The following PIP5K1C variants were observed in gnomAD, a reference collection of about 807,000 sequenced individuals.
PIP5K1C encodes phosphatidylinositol-4-phosphate 5-kinase type 1 gamma.
Under a neutral mutation model 80.1 loss-of-function variants are expected in PIP5K1C, and 45 were observed. The ratio of observed to expected loss-of-function variants is 0.56; its 90% CI spans 0.44 to 0.72. The LOEUF (loss-of-function observed/expected upper bound fraction) is 0.72, where lower values mean the gene tolerates loss of function less well. Among genes scored for constraint, PIP5K1C ranks in the 30% least tolerant of loss-of-function variants. The pLI is 0.00. For synonymous variants in PIP5K1C, 498 were observed against 420.1 expected, an observed-to-expected ratio of 1.19 and a Z score of -2.27; for missense variants, 753 against 954.6, an observed-to-expected ratio of 0.79 and a Z score of 2.78.
rs936822150 is a variant in PIP5K1C at position 3,652,090 on chromosome 19, C to T, written c.922-59G>A. 6.5e-6 allele frequency: 10 copies of T among 1,542,446 alleles called. No homozygotes were observed. The Admixed American group carries it at 1.5e-4, about 24-fold the overall frequency. Reference sequence around the variant, plus strand: ...CAGCCGTCTCTATCCCCCACAACGGCTCCCGGACCCTATGGGGTTCCCAGC... The same window carrying T: ...CAGCCGTCTCTATCCCCCACAACGGTTCCCGGACCCTATGGGGTTCCCAGC... On this transcript the variant is annotated intron_variant, in intron 7 of 17. Transcript: ENST00000335312.
intron 3 of PIP5K1C, among the ~76,000 whole-genome samples, chr19:3,663,969 G>A (rs1568336901): frequency 2.6e-5 from 4 of 152,146 alleles, no homozygotes; most frequent in Non-Finnish European, 4.4e-5. Flanking sequence ...TGAAGCACCC[G>A]AGCGTCCATG....
Position 3,686,812 on chromosome 19 carries a change from T to G in PIP5K1C, c.94+13485A>C, listed in dbSNP as rs138257131. Among the ~76,000 whole-genome samples, 548 of 152,174 alleles carry G rather than the reference T, an allele frequency of 3.6e-3. 6 individuals carry two copies. The highest frequency in any genetic ancestry group is 0.013 in the African/African-American group (521 of 41,508). ...TAATAGCTAAAACTATAAAACTACT[T>G]AAGAAAATGGGGTAATAAATCTTTG... On this transcript the variant is annotated intron_variant, in intron 1 of 17. Transcript: ENST00000335312.
In PIP5K1C at chr19:3,641,635, C is replaced by T. The variant is rs779894290; in HGVS notation, c.1787+70G>A. 6.3e-5 allele frequency: 69 copies of T among 1,102,148 alleles called. No individual in the cohort carries two copies. In the African/African-American group the frequency reaches 9.2e-4, roughly 15 times the overall value. 68.3% of individuals were successfully genotyped at this position (1,102,148 alleles called of 1,614,324 possible). A position where few individuals can be genotyped will look rare whatever the true frequency, so the allele number is the denominator to read the frequency against. On this transcript the variant is annotated intron_variant, in intron 15 of 17. Coordinates refer to ENST00000335312, the MANE Select transcript of PIP5K1C (RefSeq NM_012398.3). ...AAAGAACTGCTTCATGATGAAACCT[C>T]GGGGTGCTCTTGGCTCCTCTGGGCC... is the stretch of plus-strand genomic sequence containing the variant.
intron 9 of PIP5K1C, 62 bp from the exon 10 acceptor site, chr19:3,647,448 CT>C: frequency 1.4e-6 from 2 of 1,381,518 alleles, no homozygotes; most frequent in Non-Finnish European, 2.0e-6. Context: ...GGCCACCTCA[CT>C]CAGGGGCCAC....
chr19:3,636,619 G>A (rs542834423), intron 16 of PIP5K1C: 21 of 985,562 alleles, frequency 2.1e-5, no homozygotes, highest in African/African-American at 5.2e-5. Context: ...ACGGCTTCGC[G>A]GTGGCTGGCT....
chr19:3,659,445 C>G lies in PIP5K1C; in HGVS notation c.468+1521G>C, dbSNP rs181259213. ...AGGTGAGACCCAGATGGCCCCAGAT[C>G]GGCTTTTATCCGTCCACTCCTGCTA... On this transcript the variant is annotated intron_variant, in intron 5 of 17. Transcript: ENST00000335312. Among the ~76,000 whole-genome samples, 4 of 152,366 alleles carry G rather than the reference C, an allele frequency of 2.6e-5. No homozygotes were observed. The East Asian group carries it at 7.7e-4, about 29-fold the overall frequency.
chr19:3,676,378 C>T (rs1490444396), intron 1 of PIP5K1C, among the ~76,000 whole-genome samples: 1 of 152,238 alleles, frequency 6.6e-6, no homozygotes, highest in Admixed American at 6.5e-5. Context: ...TGGTGAGTGG[C>T]CCGCCCGGGC....
intron 1 of PIP5K1C, among the ~76,000 whole-genome samples, chr19:3,683,026 C>T (rs948768093): frequency 1.3e-4 from 20 of 151,338 alleles, no homozygotes; most frequent in African/African-American, 4.4e-4. Flanking sequence ...CTAGGGCCTC[C>T]GCACAGGCTG....
At position 3,688,690 on chromosome 19, in the gene PIP5K1C, C is replaced by T. The variant is rs374012209; in HGVS notation, c.94+11607G>A. Among the ~76,000 whole-genome samples, 2 of 152,094 alleles carry T rather than the reference C, an allele frequency of 1.3e-5. No individual in the cohort carries two copies. The highest frequency in any genetic ancestry group is 4.8e-5 in the African/African-American group (2 of 41,456). Reference sequence around the variant, plus strand: ...ACCCGGATGAGCCCCATGGAGAAACCCGTAGTGAGAGAAGCTTTGCTCAAA... The same window carrying T: ...ACCCGGATGAGCCCCATGGAGAAACTCGTAGTGAGAGAAGCTTTGCTCAAA... On this transcript the variant is annotated intron_variant, in intron 1 of 17. Coordinates refer to ENST00000335312, the MANE Select transcript of PIP5K1C (RefSeq NM_012398.3). This position sits in a 1 kb window ranked among gnomAD's most constrained non-coding sequence, Gnocchi z 5.3.
At chr19:3,683,945 C>A (rs975975261) in intron 1 of PIP5K1C, among the ~76,000 whole-genome samples, 1 of 140,620 alleles carries the variant, frequency 7.1e-6, no homozygotes, top group African/African-American at 2.6e-5. Context: ...CACGCTGGAG[C>A]CCCCGCTTCC....
chr19:3,685,860 T>C (rs1179020693), intron 1 of PIP5K1C, among the ~76,000 whole-genome samples: 1 of 151,928 alleles, frequency 6.6e-6, no homozygotes, highest in East Asian at 1.9e-4. Flanking sequence ...AACCCTAAAA[T>C]GTTCATCTTG....
chr19:3,646,594 T>C (rs2034223717), intron 10 of PIP5K1C, among the ~76,000 whole-genome samples: 1 of 152,172 alleles, frequency 6.6e-6, no homozygotes. Flanking sequence ...CAGGACACCC[T>C]GGCCAGCCTC....
In PIP5K1C at chr19:3,665,475, G is replaced by A. The variant is rs544767605; in HGVS notation, c.127-561C>T. ...TATTTTTTAAAAAAACAGGACTGAGGTGGGGGTGGGAACAGAGCGGGGGTC... is the reference window on the plus strand; with the variant it reads ...TATTTTTTAAAAAAACAGGACTGAGATGGGGGTGGGAACAGAGCGGGGGTC... On this transcript the variant is annotated intron_variant, in intron 2 of 17. Transcript: ENST00000335312. 1.2e-4 allele frequency among the ~76,000 whole-genome samples: 19 copies of A among 152,274 alleles called. No homozygotes were observed. The East Asian group carries it at 3.7e-3, about 29-fold the overall frequency.
At chr19:3,683,867 C>A (rs1032311837) in intron 1 of PIP5K1C, among the ~76,000 whole-genome samples, 2 of 149,650 alleles carry the variant, frequency 1.3e-5, no homozygotes, top group African/African-American at 4.9e-5. Flanking sequence ...CTTCCCCTCC[C>A]GGGCAGTCCC....
chr19:3,693,530 C>G (rs955338316), intron 1 of PIP5K1C, among the ~76,000 whole-genome samples: 1 of 152,168 alleles, frequency 6.6e-6, no homozygotes, highest in Non-Finnish European at 1.5e-5. Context: ...GGGTCTTGAC[C>G]GGCCTGGTCC....
At chr19:3,633,364 C>G (rs2033529210) in intron 17 of PIP5K1C, 73 bp downstream of exon 17, 5 of 1,215,302 alleles carry the variant, frequency 4.1e-6, no homozygotes, top group Middle Eastern at 2.0e-4. Flanking sequence ...CTGCCTATCC[C>G]AGTAGCTGGG....
intron 1 of PIP5K1C, among the ~76,000 whole-genome samples, chr19:3,679,727 G>A (rs2035528045): frequency 6.6e-6 from 1 of 152,180 alleles, no homozygotes; most frequent in East Asian, 1.9e-4. Context: ...CCAAGATGGG[G>A]CATCAGGAAG....
intron 1 of PIP5K1C, among the ~76,000 whole-genome samples, chr19:3,693,468 C>A (rs1217042784): frequency 6.6e-6 from 1 of 152,202 alleles, no homozygotes; most frequent in African/African-American, 2.4e-5. Context: ...CCCATGAGTA[C>A]TGGCACCACC....
intron 11 of PIP5K1C, among the ~76,000 whole-genome samples, chr19:3,645,583 G>A (rs938649437): frequency 6.6e-5 from 10 of 152,114 alleles, no homozygotes; most frequent in African/African-American, 2.2e-4. Flanking sequence ...CCTTGGCGAT[G>A]GTGATGCTGT....
Sources: gnomAD v4.1 joint callset for allele counts (sites outside exome capture counted in the v4.1 genomes callset) on GRCh38, gnomAD v4.1.1 for gene constraint, Gnocchi (gnomAD v3.1) non-coding constraint, MANE v1.5 for transcripts, NCBI Gene and HGNC (gene_info 2026-07-23, HGNC 2026-07-21) for gene names.